Variants in STAG1 observed in about 807,000 individuals in gnomAD.
STAG1 encodes cohesin subunit SA-1.
In STAG1, 26 loss-of-function variants were observed where a neutral mutation model predicts 170.9. That is an observed-to-expected ratio of 0.15 (90% CI 0.11 to 0.21). The LOEUF (loss-of-function observed/expected upper bound fraction) is 0.21, where lower values mean the gene tolerates loss of function less well. STAG1 is among the 10% of genes least tolerant of loss of function. The probability of loss-of-function intolerance (pLI) is 1.00; values close to 1 mark genes in which losing one functional copy is unlikely to be tolerated. For missense variants in STAG1, 964 were observed against 1,509.5 expected (o/e 0.64, Z 5.99); for synonymous variants, 514 against 497.7 (o/e 1.03, Z -0.44).
chr3:136,702,107 GAGAGAGAGAGAGAGACAGAGAGAC>G (rs1559960224), intron 1 of STAG1, among the ~76,000 whole-genome samples: 37 of 84,254 alleles, frequency 4.4e-4, no homozygotes, highest in South Asian at 7.2e-4. Context: ...GAGAGAGAGA[GAGAGAGAGAGAGAGACAGAGAGAC>G]AGAGAGACAG....
At chr3:136,658,017 C>T (rs1030844605) in intron 1 of STAG1, among the ~76,000 whole-genome samples, 4 of 152,046 alleles carry the variant, frequency 2.6e-5, no homozygotes, top group African/African-American at 9.7e-5. Flanking sequence ...GTCACCTGCA[C>T]ACTATCATTT....
rs551172359 is a variant in STAG1, at chr3:136,526,579, C to G, written c.472-5162G>C. Among the ~76,000 whole-genome samples the G allele has an allele frequency of 3.9e-5, 6 of 152,258 alleles. No homozygotes were observed. In the East Asian group the frequency reaches 9.7e-4, roughly 25 times the overall value. On this transcript the variant is annotated intron_variant, in intron 6 of 33. Coordinates refer to ENST00000383202, the MANE Select transcript of STAG1 (RefSeq NM_005862.3). ...GCCAGTCTGTGTCTTTTAATTGGAGCATTTAGTCCATTTACATTTAAGGTT... is the reference window on the plus strand; with the variant it reads ...GCCAGTCTGTGTCTTTTAATTGGAGGATTTAGTCCATTTACATTTAAGGTT...
chr3:136,747,231 C>T (rs1181026509), intron 1 of STAG1, among the ~76,000 whole-genome samples: 1 of 151,042 alleles, frequency 6.6e-6, no homozygotes, highest in East Asian at 1.9e-4. Context: ...GAAGATCATG[C>T]CACTGCACTC....
chr3:136,501,094 A>G (rs1933440183), intron 8 of STAG1, among the ~76,000 whole-genome samples: 1 of 152,236 alleles, frequency 6.6e-6, no homozygotes, highest in Non-Finnish European at 1.5e-5. Context: ...CTTTACTAAA[A>G]TAAGTTTGGG....
intron 9 of STAG1, among the ~76,000 whole-genome samples, chr3:136,493,406 T>C (rs1005180930): frequency 4.6e-5 from 7 of 150,594 alleles, no homozygotes; most frequent in African/African-American, 1.2e-4. Context: ...TGTAATCCCA[T>C]CACTTTGGGA....
chr3:136,580,140 TG>T (rs796869709), intron 4 of STAG1, among the ~76,000 whole-genome samples: 8 of 151,966 alleles, frequency 5.3e-5, no homozygotes, highest in African/African-American at 1.9e-4. Flanking sequence ...GCTAATTTTT[TG>T]TATTTTTAGT....
Position 136,390,122 on chromosome 3 carries a change from C to T in STAG1, c.2277+8627G>A, listed in dbSNP as rs534233859. On this transcript the variant is annotated intron_variant, in intron 22 of 33. Transcript: ENST00000383202. ...CTGGGATTAGAGGTGTGAGTCACCA[C>T]GCCCGGCCCCTTATGCTATTTTTAA... 3.9e-5 allele frequency among the ~76,000 whole-genome samples: 6 copies of T among 152,200 alleles called. No homozygotes were observed. In the South Asian group the frequency reaches 6.2e-4, roughly 16 times the overall value.
chr3:136,550,037 A>C (rs1936319908), intron 5 of STAG1, among the ~76,000 whole-genome samples: 1 of 151,956 alleles, frequency 6.6e-6, no homozygotes, highest in Non-Finnish European at 1.5e-5. Flanking sequence ...TTTGTTTAGG[A>C]CTTTTTGCAT....
intron 4 of STAG1, among the ~76,000 whole-genome samples, chr3:136,603,841 C>T (rs773809689): frequency 2.6e-5 from 4 of 151,930 alleles, no homozygotes; most frequent in Non-Finnish European, 4.4e-5. Context: ...GAGCCAAGAT[C>T]GTGCCACTGC....
At chr3:136,620,865 A>G (rs1939814869) in intron 3 of STAG1, among the ~76,000 whole-genome samples, 1 of 152,254 alleles carries the variant, frequency 6.6e-6, no homozygotes, top group Admixed American at 6.5e-5. Flanking sequence ...TAACTTCAGT[A>G]AAAATCAAGT....
In STAG1 at chr3:136,605,377, G is replaced by GT. The variant is rs201776525; in HGVS notation, c.133-905dup. Among the ~76,000 whole-genome samples the GT allele has an allele frequency of 6.3e-3, 965 of 152,276 alleles. 11 individuals carry two copies. The highest frequency in any genetic ancestry group is 0.022 in the African/African-American group (915 of 41,568). On this transcript the variant is annotated intron_variant, in intron 3 of 33. Transcript: ENST00000383202. ...TTTGAAAAAATTGTTGGCAGTCACT[G>GT]TATCTATTCCTGTTAATTTCATTCA...
At chr3:136,582,114 C>T (rs147843618) in intron 4 of STAG1, among the ~76,000 whole-genome samples, 5 of 148,582 alleles carry the variant, frequency 3.4e-5, no homozygotes, top group African/African-American at 1.2e-4. Context: ...ATACATTTTA[C>T]AGTGGAAGGT....
chr3:136,636,984 G>C (rs1213876576), intron 1 of STAG1, among the ~76,000 whole-genome samples: 1 of 152,100 alleles, frequency 6.6e-6, no homozygotes, highest in African/African-American at 2.4e-5. Flanking sequence ...CACATATCTG[G>C]TATGTGGGAG....
chr3:136,338,687 TAAACA>T (rs1226367733), intron 32 of STAG1, among the ~76,000 whole-genome samples: 2 of 152,154 alleles, frequency 1.3e-5, no homozygotes, highest in Non-Finnish European at 2.9e-5. Flanking sequence ...CTATCATGAA[TAAACA>T]ACATGTTAAT....
intron 5 of STAG1, among the ~76,000 whole-genome samples, chr3:136,552,637 T>C (rs147113239): frequency 1.3e-5 from 2 of 152,206 alleles, no homozygotes; most frequent in Non-Finnish European, 2.9e-5. Flanking sequence ...CTCTATAAAG[T>C]GGGGCCTCAA....
chr3:136,539,266 A>C (rs1414231838), intron 6 of STAG1, among the ~76,000 whole-genome samples: 1 of 152,164 alleles, frequency 6.6e-6, no homozygotes, highest in Non-Finnish European at 1.5e-5. Flanking sequence ...TTTGTATACT[A>C]TTTAACCATT....
At chr3:136,430,506 C>A (rs1020545860) in intron 16 of STAG1, among the ~76,000 whole-genome samples, 25 of 151,544 alleles carry the variant, frequency 1.6e-4, no homozygotes, top group African/African-American at 5.6e-4. Context: ...CACTATAGTG[C>A]TATAATTATC....
intron 1 of STAG1, among the ~76,000 whole-genome samples, chr3:136,722,144 G>A (rs565521130): frequency 3.0e-4 from 45 of 151,380 alleles, no homozygotes; most frequent in African/African-American, 1.0e-3. Context: ...GATCACCTGA[G>A]CCCAGGAAGT....
rs1205236194 is a variant in STAG1, at chr3:136,434,555, G to C, written c.1547-896C>G. On this transcript the variant is annotated intron_variant, in intron 15 of 33. Transcript: ENST00000383202. ...AATCTGAGAACTCTTGTATGGTAGG[G>C]GTAGTACTTTTTATCTTTTGAATGA... Among the ~76,000 whole-genome samples, 4 of 152,036 alleles carry C rather than the reference G, an allele frequency of 2.6e-5. 1 individual carries two copies. The highest frequency in any genetic ancestry group is 5.9e-5 in the Non-Finnish European group (4 of 67,980).
Sources: gnomAD v4.1 joint callset for allele counts (sites outside exome capture counted in the v4.1 genomes callset) on GRCh38, gnomAD v4.1.1 for gene constraint, MANE v1.5 for transcripts, NCBI Gene and HGNC (gene_info 2026-07-23, HGNC 2026-07-21) for gene names.